The following PTPRT variants were observed in gnomAD, a reference collection of about 807,000 sequenced individuals.
PTPRT encodes receptor-type tyrosine-protein phosphatase T.
Under a neutral mutation model 176.8 loss-of-function variants are expected in PTPRT, and 56 were observed. The ratio of observed to expected loss-of-function variants is 0.32; its 90% CI spans 0.26 to 0.40. The LOEUF (loss-of-function observed/expected upper bound fraction) is 0.40. PTPRT is among the 10% of genes least tolerant of loss of function. The probability of loss-of-function intolerance (pLI) is 1.00; values close to 1 mark genes in which losing one functional copy is unlikely to be tolerated. For missense variants in PTPRT, 1,540 were observed against 1,908.2 expected (o/e 0.81, Z 3.60); for synonymous variants, 783 against 739.0 (o/e 1.06, Z -0.96).
chr20:42,824,643 C>A (rs977477490), intron 2 of PTPRT, among the ~76,000 whole-genome samples: 8 of 151,792 alleles, frequency 5.3e-5, no homozygotes, highest in African/African-American at 1.9e-4. Flanking sequence ...TAATTCATAA[C>A]TATAAAGAGT....
intron 12 of PTPRT, among the ~76,000 whole-genome samples, chr20:42,286,534 A>C (rs2057233098): frequency 1.3e-5 from 2 of 152,026 alleles, no homozygotes; most frequent in African/African-American, 2.4e-5. Context: ...ATCCATATTC[A>C]GAAGAACGAA....
At chr20:42,954,654 T>A (rs1981504662) in intron 1 of PTPRT, among the ~76,000 whole-genome samples, 1 of 152,044 alleles carries the variant, frequency 6.6e-6, no homozygotes, top group African/African-American at 2.4e-5. Context: ...AGGAAGGGTG[T>A]GTGGGGAGGG....
At chr20:43,157,677 T>C (rs1358034809) in intron 1 of PTPRT, among the ~76,000 whole-genome samples, 1 of 152,198 alleles carries the variant, frequency 6.6e-6, no homozygotes, top group Non-Finnish European at 1.5e-5. Context: ...CTCAAAAGTG[T>C]CCTGGTTTGG....
At chr20:42,408,902 T>C (rs184662004) in intron 9 of PTPRT, among the ~76,000 whole-genome samples, 3 of 152,334 alleles carry the variant, frequency 2.0e-5, no homozygotes, top group Admixed American at 6.5e-5. Flanking sequence ...GTGCCTCTTA[T>C]TGGGTAATCA....
intron 1 of PTPRT, among the ~76,000 whole-genome samples, chr20:42,909,374 G>A (rs2079517329): frequency 6.6e-6 from 1 of 152,140 alleles, no homozygotes; most frequent in Admixed American, 6.5e-5. Context: ...ACATTATGAT[G>A]AAGGGGAAGT....
chr20:42,211,164 T>G (rs1483925969), intron 15 of PTPRT, among the ~76,000 whole-genome samples: 1 of 152,130 alleles, frequency 6.6e-6, no homozygotes, highest in Non-Finnish European at 1.5e-5. Context: ...ATTAAAGACT[T>G]AAACGTTAGA....
At chr20:42,905,755 A>C (rs1008525109) in intron 1 of PTPRT, among the ~76,000 whole-genome samples, 1 of 152,206 alleles carries the variant, frequency 6.6e-6, no homozygotes, top group African/African-American at 2.4e-5. Flanking sequence ...GGATGAGTTC[A>C]TGTCCTTTGT....
chr20:42,528,803 A>G (rs2072324890), intron 7 of PTPRT, among the ~76,000 whole-genome samples: 1 of 152,222 alleles, frequency 6.6e-6, no homozygotes, highest in Non-Finnish European at 1.5e-5. Flanking sequence ...ATGCTTGCTT[A>G]ATCTTAGATA....
At position 42,448,347 on chromosome 20, in the gene PTPRT, T is replaced by G; in HGVS notation, c.1451-18A>C. The G allele has an allele frequency of 6.4e-7, 1 of 1,572,164 alleles. No individual in the cohort carries two copies. Among genetic ancestry groups the G allele is most frequent in the Non-Finnish European group, 8.8e-7 (1 of 1,142,036 alleles). The stretch of plus-strand genomic sequence containing the variant: ...TCCTGGAACTACAGAATGGAAAAGT[T>G]ATGAACTTGATGTCACCTTCCACAT... On this transcript the variant is annotated intron_variant, in intron 8 of 30. Transcript: ENST00000373187.
chr20:42,323,966 C>T (rs984426934), intron 11 of PTPRT, among the ~76,000 whole-genome samples: 1 of 151,942 alleles, frequency 6.6e-6, no homozygotes, highest in African/African-American at 2.4e-5. Flanking sequence ...CTGGTAGTTC[C>T]TTAAAAAGGT....
Position 42,659,205 on chromosome 20 carries a change from T to A in PTPRT, c.1153+18661A>T, listed in dbSNP as rs3091699. Among the ~76,000 whole-genome samples, 4 of 151,996 alleles carry A rather than the reference T, an allele frequency of 2.6e-5. No individual in the cohort carries two copies. The East Asian group carries it at 5.8e-4, about 22-fold the overall frequency. On this transcript the variant is annotated intron_variant, in intron 7 of 30. Coordinates refer to ENST00000373187, the MANE Select transcript of PTPRT (RefSeq NM_007050.6). ...CCAGGCACCAGGAACTCTCTAACTCTCAAAAAAAACATCTGGGTCAGCACC... is the reference window on the plus strand; with the variant it reads ...CCAGGCACCAGGAACTCTCTAACTCACAAAAAAAACATCTGGGTCAGCACC...
At chr20:42,186,549 G>A (rs1381250352) in intron 16 of PTPRT, among the ~76,000 whole-genome samples, 1 of 151,976 alleles carries the variant, frequency 6.6e-6, no homozygotes, top group Non-Finnish European at 1.5e-5. Flanking sequence ...CACAGAGAAA[G>A]GGGAAGTGAG....
At chr20:42,774,373 G>A (rs1365343170) in intron 4 of PTPRT, among the ~76,000 whole-genome samples, 2 of 152,186 alleles carry the variant, frequency 1.3e-5, no homozygotes. Flanking sequence ...GAGGGAACTG[G>A]AGAGAGACTC....
chr20:42,951,261 G>A (rs1286780864), intron 1 of PTPRT, among the ~76,000 whole-genome samples: 1 of 152,096 alleles, frequency 6.6e-6, no homozygotes, highest in Non-Finnish European at 1.5e-5. Flanking sequence ...AGGGGTGGAT[G>A]GATGGATGGA....
intron 9 of PTPRT, among the ~76,000 whole-genome samples, chr20:42,382,586 G>A (rs1323019107): frequency 1.3e-5 from 2 of 152,174 alleles, no homozygotes; most frequent in Non-Finnish European, 2.9e-5. Flanking sequence ...GGAGATGGGT[G>A]CTAGGTCCGT....
intron 1 of PTPRT, among the ~76,000 whole-genome samples, chr20:43,037,387 T>C (rs1247909590): frequency 2.6e-5 from 4 of 152,240 alleles, no homozygotes; most frequent in Non-Finnish European, 5.9e-5. Flanking sequence ...CTTCAAAAAC[T>C]GTGCAATGAC....
chr20:42,310,356 T>C (rs900618429), intron 12 of PTPRT, among the ~76,000 whole-genome samples: 6 of 152,146 alleles, frequency 3.9e-5, no homozygotes, highest in Non-Finnish European at 5.9e-5. Flanking sequence ...TAATTATCAA[T>C]GAGAAATAAC....
chr20:42,064,800 A>G, the PTPRT span, among the ~76,000 whole-genome samples: 167 of 152,334 alleles, frequency 1.1e-3, no homozygotes, highest in African/African-American at 3.9e-3. Context: ...GAACAAGTCT[A>G]TGTCCTCTTC....
intron 1 of PTPRT, among the ~76,000 whole-genome samples, chr20:43,152,489 C>T (rs951491294): frequency 1.3e-5 from 2 of 152,166 alleles, no homozygotes; most frequent in Non-Finnish European, 2.9e-5. Flanking sequence ...GCCTTCTCTG[C>T]CCCCTGCTAG....
Sources: gnomAD v4.1 joint callset for allele counts (sites outside exome capture counted in the v4.1 genomes callset) on GRCh38, gnomAD v4.1.1 for gene constraint, MANE v1.5 for transcripts, NCBI Gene and HGNC (gene_info 2026-07-23, HGNC 2026-07-21) for gene names.